The following PZP variants were observed in gnomAD, a reference collection of about 807,000 sequenced individuals.
PZP encodes PZP alpha-2-macroglobulin like.
PZP carries 150 observed loss-of-function variants against 179.8 expected under a neutral mutation model. The observed-to-expected ratio is 0.83, with a 90% CI of 0.73 to 0.96. The LOEUF is 0.96. Ranked by LOEUF, PZP falls within the 40% of genes least tolerant of loss-of-function variation. The probability of loss-of-function intolerance (pLI) is 0.00; values close to 1 mark genes in which losing one functional copy is unlikely to be tolerated. For missense variants in PZP, 1,689 were observed against 1,764.0 expected, an observed-to-expected ratio of 0.96 and a Z score of 0.76; for synonymous variants, 624 against 652.3, an observed-to-expected ratio of 0.96 and a Z score of 0.66.
At chr12:9,194,407 A>G in intron 10 of PZP, among the ~76,000 whole-genome samples, 169 bp from the exon 11 acceptor site, 1 of 151,172 alleles carries the variant, frequency 6.6e-6, no homozygotes. Flanking sequence ...TTGGATCCTC[A>G]TGTCCTACAT....
chr12:9,196,057 A>T (rs947294687), intron 10 of PZP, among the ~76,000 whole-genome samples: 21 of 152,180 alleles, frequency 1.4e-4, no homozygotes, highest in African/African-American at 4.8e-4. Context: ...ACTGCATGAA[A>T]GAAGAGGTTT....
At chr12:9,180,929 G>T in intron 15 of PZP, 54 bp downstream of exon 15, 7 of 1,559,600 alleles carry the variant, frequency 4.5e-6, no homozygotes, top group Non-Finnish European at 6.0e-6. Flanking sequence ...GAGGCTTCTT[G>T]ATCTGAGCCT....
Position 9,160,422 on chromosome 12 carries a change from G to A in PZP, c.2941C>T (p.Gln981Ter), listed in dbSNP as rs748839868. 1.6e-5 allele frequency: 26 copies of A among 1,613,942 alleles called. 1 individual carries two copies. In the South Asian group the frequency reaches 2.7e-4, roughly 17 times the overall value. ...TTAGGAGCAAATAGGACCATGTTCT[G>A]TTCTCCACAGCCATATGGCATCTGG... Reference protein sequence around the residue: ...LLQMPYGCGEQNMVLFAPNIY... With the variant: ...LLQMPYGCGE Residue 981 changes from glutamine (Q) to a stop codon, truncating the protein, a stop_gained, in exon 24 of 36, where the codon CAG (glutamine) becomes TAG (stop). Transcript: ENST00000261336. LOFTEE classifies it high-confidence loss of function.
Position 9,192,587 on chromosome 12 carries a change from C to T in PZP, c.1407G>A (p.Thr469=), listed in dbSNP as rs779049833. ...PVAGTLPCGH[T]ETITAHYTLN... is the part of the protein sequence containing the mutation. ...GTGTATAGTGTGCCGTGATAGTCTC[C>T]GTGTGGCCACAGGGCAGGGTACCAG... The change falls in exon 12 of 36, where the codon ACG becomes ACA. Residue 469 remains threonine, a synonymous_variant. Coordinates refer to ENST00000261336, the MANE Select transcript of PZP (RefSeq NM_002864.3). 20 of 1,614,042 alleles carry T rather than the reference C, an allele frequency of 1.2e-5. No individual in the cohort carries two copies. The highest frequency in any genetic ancestry group is 1.1e-4 in the East Asian group (5 of 44,898).
chr12:9,185,133 T>C (rs1592523428), intron 13 of PZP, among the ~76,000 whole-genome samples: 1 of 152,194 alleles, frequency 6.6e-6, no homozygotes, highest in East Asian at 1.9e-4. Context: ...ATGAAGGTCA[T>C]TGAGATTCAG....
rs373572003 is a variant in PZP at position 9,159,184 on chromosome 12, AG to A, written c.3138-609del. 2.9e-3 allele frequency among the ~76,000 whole-genome samples: 441 copies of A among 152,250 alleles called. 2 individuals are homozygous for A. The highest frequency in any genetic ancestry group is 0.01 in the African/African-American group (430 of 41,538). ...CCTCTTAGGGCTGAGCAACAATTTA[AG>A]GGGGCAAGTTACAAACCTATAATGT... On this transcript the variant is annotated intron_variant, in intron 25 of 35. Coordinates refer to ENST00000261336, the MANE Select transcript of PZP (RefSeq NM_002864.3).
chr12:9,167,244 C>G (rs1308754406), intron 17 of PZP: 1 of 152,198 alleles, frequency 6.6e-6, no homozygotes, highest in Non-Finnish European at 1.5e-5. Flanking sequence ...CCCTCCAACT[C>G]CTCCAGTTAT....
At position 9,165,021 on chromosome 12, in the gene PZP, C is replaced by G. The variant is rs1452500814; in HGVS notation, c.2487+118G>C. On this transcript the variant is annotated intron_variant, in intron 19 of 35. Coordinates refer to ENST00000261336, the MANE Select transcript of PZP (RefSeq NM_002864.3). ...TGCTTTGCATAGCACTAATTATTCA[C>G]AGTGCTAACACACAATCCCTTGAAT... 39 of 1,212,152 alleles carry G rather than the reference C, an allele frequency of 3.2e-5. No homozygotes were observed. In the Admixed American group the frequency reaches 7.0e-4, roughly 22 times the overall value. 75.1% of individuals were successfully genotyped at this position (1,212,152 alleles called of 1,614,324 possible).
At chr12:9,142,472 A>T in the PZP span, among the ~76,000 whole-genome samples, 1 of 152,324 alleles carries the variant, frequency 6.6e-6, no homozygotes, top group African/African-American at 2.4e-5. Context: ...CTCTTAAAAC[A>T]TTTCTAATTT....
At chr12:9,144,149 C>G (rs899769503), downstream of PZP, among the ~76,000 whole-genome samples, 1 of 151,550 alleles carries the variant, frequency 6.6e-6, no homozygotes, top group Non-Finnish European at 1.5e-5. Context: ...GCCTCTTGAA[C>G]CAGAGCCACA....
rs1940824515 is a variant in PZP, at chr12:9,157,226, T to C, written c.3499A>G (p.Asn1167Asp). 6.2e-7 allele frequency: 1 copy of C among 1,614,050 alleles called. No individual in the cohort carries two copies. The highest frequency in any genetic ancestry group is 1.1e-5 in the South Asian group (1 of 91,074). ...AYAFSLLGKQ[N>D]QNREILNSLD... ...GAGTTCAGTATTTCTCTATTCTGAT[T>C]TTGCTTTCCCAGTAGGGAAAAAGCA... The change falls in exon 28 of 36, where the codon AAT becomes GAT. Residue 1167 changes from asparagine (N) to aspartate (D), a missense_variant. This residue lies in a region of PZP where 746 missense variants were observed against 749.2 expected (regional missense o/e 1.00). Transcript: ENST00000261336.
At chr12:9,160,247 T>C in intron 24 of PZP, 67 bp downstream of exon 24, 1 of 1,405,640 alleles carries the variant, frequency 7.1e-7, no homozygotes, top group Non-Finnish European at 9.8e-7. Context: ...TTTGATGATA[T>C]AACTGAAGCT....
At chr12:9,143,639 C>G in the PZP span, among the ~76,000 whole-genome samples, 2 of 152,020 alleles carry the variant, frequency 1.3e-5, no homozygotes, top group Admixed American at 1.3e-4. Context: ...TTTGCTGTTC[C>G]TGGTTATAAA....
At chr12:9,169,381 C>T in intron 16 of PZP, 49 bp downstream of exon 16, 2 of 1,462,208 alleles carry the variant, frequency 1.4e-6, no homozygotes, top group South Asian at 1.3e-5. Context: ...GTTTTATTAA[C>T]ATTCAAAAAC....
In PZP at chr12:9,161,038, A is replaced by C; in HGVS notation, c.2867T>G (p.Val956Gly). 1 of 1,583,102 alleles carries C rather than the reference A, an allele frequency of 6.3e-7. No individual in the cohort carries two copies. Among genetic ancestry groups the C allele is most frequent in the Non-Finnish European group, 8.7e-7 (1 of 1,151,828 alleles). The part of the protein sequence containing the change: ...VKESARASFS[V>G]LGDILGSAMQ... ...CTAAATGGAAGGTGACTCACCCAGA[A>C]CTGAGAAAGAAGCTCTGGCAGATTC... Residue 956 changes from valine (V) to glycine (G), a missense_variant, in exon 23 of 36, where the codon GTT (valine) becomes GGT (glycine). Coordinates refer to ENST00000261336, the MANE Select transcript of PZP (RefSeq NM_002864.3).
intron 15 of PZP, among the ~76,000 whole-genome samples, chr12:9,172,098 C>A (rs1313692024): frequency 6.6e-6 from 1 of 152,116 alleles, no homozygotes; most frequent in African/African-American, 2.4e-5. Flanking sequence ...GAGAGAAAGG[C>A]CAAGTCACCT....
intron 13 of PZP, among the ~76,000 whole-genome samples, chr12:9,190,084 C>T (rs780501725): frequency 2.0e-5 from 3 of 151,950 alleles, no homozygotes; most frequent in South Asian, 2.1e-4. Context: ...AGCAGTGTGG[C>T]GATTCCTCAA....
Position 9,202,568 on chromosome 12 carries a change from G to A in PZP, c.384C>T (p.Val128=), listed in dbSNP as rs201475636. The part of the protein sequence containing the change: ...TVLVLNTQSL[V]FVQTDKPMYK... ...ACATGGGTTTGTCTGTCTGGACAAA[G>A]ACCAGACTTTGGGTGTTCAGTACCA... The change falls in exon 3 of 36, where the codon GTC becomes GTT. Residue 128 remains valine (V), a synonymous_variant. Transcript: ENST00000261336. The A allele has an allele frequency of 1.1e-5, 18 of 1,614,098 alleles. No individual in the cohort carries two copies. In the East Asian group the frequency reaches 4.0e-4, roughly 36 times the overall value.
At chr12:9,137,471 T>A in the PZP span, among the ~76,000 whole-genome samples, 1 of 152,156 alleles carries the variant, frequency 6.6e-6, no homozygotes, top group Non-Finnish European at 1.5e-5. Flanking sequence ...GTCCTCCAGC[T>A]TTCTTCTTCT....
Sources: allele counts gnomAD v4.1 joint callset (sites outside exome capture counted in the v4.1 genomes callset), GRCh38; gene constraint gnomAD v4.1.1; regional missense constraint gnomAD v4.1.1; transcripts MANE v1.5; gene names NCBI Gene and HGNC (gene_info 2026-07-23, HGNC 2026-07-21).